Variants in CR1L observed in about 807,000 individuals in gnomAD.
The protein encoded by CR1L is complement component receptor 1-like protein.
Under a neutral mutation model 62.3 loss-of-function variants are expected in CR1L, and 59 were observed. The ratio of observed to expected loss-of-function variants is 0.95; its 90% confidence interval spans 0.77 to 1.18. The LOEUF is 1.18. CR1L is among the 50% of genes most tolerant of loss of function. CR1L has a pLI of 0.00. For synonymous variants in CR1L, 279 were observed against 248.7 expected (o/e 1.12, Z -1.15); for missense variants, 700 against 702.8 (o/e 1.00, Z 0.04).
At chr1:207,712,176 A>T (rs1664370336) in intron 10 of CR1L, among the ~76,000 whole-genome samples, 1 of 152,198 alleles carries the variant, frequency 6.6e-6, no homozygotes, top group Non-Finnish European at 1.5e-5. Context: ...AAACAGTATG[A>T]CTGTACTTTA....
rs531528224 is a variant in CR1L at position 207,687,612 on chromosome 1, G to C, written c.463+3655G>C. On this transcript the variant is annotated intron_variant, in intron 4 of 11. Coordinates refer to ENST00000508064, the MANE Select transcript of CR1L (RefSeq NM_175710.2). ...GGAATCAAAAAATAGGTACTCTTCT[G>C]TGTCCGGCTTCTGCTCAGTGTTATA... Among the ~76,000 whole-genome samples the C allele has an allele frequency of 1.2e-4, 18 of 152,222 alleles. 1 individual carries two copies. The South Asian group carries it at 3.5e-3, about 30-fold the overall frequency.
At position 207,697,562 on chromosome 1, in the gene CR1L, T is replaced by C. The variant is rs1296085010; in HGVS notation, c.922T>C (p.Phe308Leu). 5 of 1,613,638 alleles carry C rather than the reference T, an allele frequency of 3.1e-6. No individual in the cohort carries two copies. The highest frequency in any genetic ancestry group is 1.7e-5 in the Admixed American group (1 of 59,974). ...GCGTACCCAAAGGGACAAGGACAAC[T>C]TTTCACCCGGGCAGGAAGTGTTCTA... is the stretch of plus-strand genomic sequence containing the variant. ...AERTQRDKDN[F>L]SPGQEVFYSC... is the part of the protein sequence containing the mutation. Residue 308 changes from phenylalanine to leucine, a missense_variant, in exon 6 of 12, where the codon TTT becomes CTT. By Grantham distance (22) the Phe-to-Leu change is conservative (BLOSUM62 0). Transcript: ENST00000508064.
rs138919610 is a variant in CR1L at position 207,649,153 on chromosome 1, T to C, written c.97+3823T>C. 3.1e-3 allele frequency among the ~76,000 whole-genome samples: 469 copies of C among 152,186 alleles called. 2 individuals are homozygous for C. Among genetic ancestry groups the C allele is most frequent in the African/African-American group, 0.011 (456 of 41,514 alleles). On this transcript the variant is annotated intron_variant, in intron 1 of 11. Coordinates refer to ENST00000508064, the MANE Select transcript of CR1L (RefSeq NM_175710.2). ...CCCAGGGGGAGGCAGAAAATGCTTC[T>C]TGGAGGAGATGATGGGTGGATTAAA...
chr1:207,722,551 T>A (rs970250389), intron 11 of CR1L, among the ~76,000 whole-genome samples: 5 of 151,710 alleles, frequency 3.3e-5, no homozygotes, highest in Non-Finnish European at 7.4e-5. Context: ...CATTGATCTA[T>A]ATCTCTGTTT....
chr1:207,672,254 A>T (rs945274601), intron 1 of CR1L, among the ~76,000 whole-genome samples: 4 of 150,684 alleles, frequency 2.7e-5, no homozygotes, highest in African/African-American at 1.0e-4. Flanking sequence ...AACACAGCAG[A>T]CTTCAGACGA....
intron 1 of CR1L, among the ~76,000 whole-genome samples, chr1:207,655,776 T>G (rs1663299017): frequency 6.6e-6 from 1 of 152,084 alleles, no homozygotes; most frequent in African/African-American, 2.4e-5. Context: ...CAAATTAACA[T>G]ATATAACATT....
intron 1 of CR1L, among the ~76,000 whole-genome samples, chr1:207,647,104 A>C (rs1663139847): frequency 6.6e-6 from 1 of 152,232 alleles, no homozygotes; most frequent in Non-Finnish European, 1.5e-5. Flanking sequence ...ACAGTAGGCA[A>C]TCAACAGATG....
intron 3 of CR1L, among the ~76,000 whole-genome samples, chr1:207,678,567 G>A (rs932686234): frequency 1.3e-5 from 2 of 152,216 alleles, no homozygotes; most frequent in Non-Finnish European, 2.9e-5. Flanking sequence ...TGGGGGAAGA[G>A]TATAGTCAAA....
intron 5 of CR1L, 86 bp from the exon 6 acceptor site, chr1:207,697,417 T>C (rs1466753020): frequency 3.7e-6 from 6 of 1,609,902 alleles, no homozygotes; most frequent in Non-Finnish European, 4.2e-6. Flanking sequence ...CATATAGATT[T>C]GTAATTATTA....
chr1:207,666,220 C>G (rs1359169539), intron 1 of CR1L, among the ~76,000 whole-genome samples: 1 of 152,194 alleles, frequency 6.6e-6, no homozygotes, highest in Non-Finnish European at 1.5e-5. Flanking sequence ...AACTGTACGT[C>G]CCAGATTCTT....
intron 11 of CR1L, among the ~76,000 whole-genome samples, chr1:207,718,338 A>G (rs1654053948): frequency 6.6e-6 from 1 of 152,222 alleles, no homozygotes; most frequent in Non-Finnish European, 1.5e-5. Flanking sequence ...TGACAACCGT[A>G]GATGCATTTG....
chr1:207,690,831 C>A (rs1366472062), intron 4 of CR1L, among the ~76,000 whole-genome samples: 3 of 152,206 alleles, frequency 2.0e-5, no homozygotes, highest in African/African-American at 7.2e-5. Flanking sequence ...CGTTTTCCGC[C>A]TCCATCTTCA....
rs573983528 is a variant in CR1L, at chr1:207,662,888, C to A, written c.98-14501C>A. ...ACAGTCAGGACCCTCAGCTGCAGGTCTGTTGGAGTTTGCTGGAGGTCCACT... is the reference window on the plus strand; with the variant it reads ...ACAGTCAGGACCCTCAGCTGCAGGTATGTTGGAGTTTGCTGGAGGTCCACT... On this transcript the variant is annotated intron_variant, in intron 1 of 11. Coordinates refer to ENST00000508064, the MANE Select transcript of CR1L (RefSeq NM_175710.2). Among the ~76,000 whole-genome samples the A allele has an allele frequency of 2.6e-5, 4 of 152,272 alleles. No individual in the cohort carries two copies. The East Asian group carries it at 7.7e-4, about 29-fold the overall frequency.
intron 9 of CR1L, among the ~76,000 whole-genome samples, chr1:207,703,779 AC>A (rs898956197): frequency 1.8e-4 from 28 of 152,268 alleles, no homozygotes; most frequent in African/African-American, 5.8e-4. Flanking sequence ...ACATAGTGAA[AC>A]CCCGTCTCTA....
chr1:207,645,924 G>A (rs1317203567), intron 1 of CR1L, among the ~76,000 whole-genome samples: 1 of 152,224 alleles, frequency 6.6e-6, no homozygotes, highest in Non-Finnish European at 1.5e-5. Flanking sequence ...TTCACTGTGG[G>A]CAAGACAGCT....
At chr1:207,701,948 T>A (rs2102473141) in intron 9 of CR1L, among the ~76,000 whole-genome samples, 1 of 152,304 alleles carries the variant, frequency 6.6e-6, no homozygotes, top group South Asian at 2.1e-4. Flanking sequence ...ATGTAGCAGC[T>A]GTGTGAGAGA....
chr1:207,683,955 A>T lies in CR1L; in HGVS notation c.461A>T (p.Asp154Val), dbSNP rs1226641088. Residue 154 changes from aspartate (D) to valine (V), a missense_variant and splice_region_variant, in exon 4 of 12, where the codon GAC (aspartate) becomes GTC (valine). Asp to Val is a radical substitution (Grantham distance 152). Transcript: ENST00000508064. ...TGGGATAATAAAACACCTGTTTGTGACAGTGAGTTGAAATATGCATTCCTA... is the reference window on the plus strand; with the variant it reads ...TGGGATAATAAAACACCTGTTTGTGTCAGTGAGTTGAAATATGCATTCCTA... ...VIWDNKTPVCDRIICGLPPTI... is the reference protein window; with the variant it reads ...VIWDNKTPVCVRIICGLPPTI... 6.2e-7 allele frequency: 1 copy of T among 1,612,056 alleles called. No homozygotes were observed. Among genetic ancestry groups the T allele is most frequent in the African/African-American group, 1.3e-5 (1 of 74,910 alleles).
Position 207,694,787 on chromosome 1 carries a change from T to G in CR1L, c.862+36T>G, listed in dbSNP as rs201435561. 3.0e-3 allele frequency: 4,882 copies of G among 1,611,682 alleles called. 172 individuals are homozygous for G. The South Asian group carries it at 0.049, about 16-fold the overall frequency. ...CTGAGGCCTAGAAGGGCCCTGCCAG[T>G]GACATGCATTGCTGTTGGATCAGGA... On this transcript the variant is annotated intron_variant, in intron 5 of 11. Coordinates refer to ENST00000508064, the MANE Select transcript of CR1L (RefSeq NM_175710.2).
chr1:207,708,640 A>G (rs1664307401), intron 10 of CR1L, among the ~76,000 whole-genome samples: 1 of 152,252 alleles, frequency 6.6e-6, no homozygotes. Context: ...CAGATATTCA[A>G]GCCATGCAGC....
Sources: allele counts gnomAD v4.1 joint callset (sites outside exome capture counted in the v4.1 genomes callset), GRCh38; gene constraint gnomAD v4.1.1; transcripts MANE v1.5; gene names NCBI Gene and HGNC (gene_info 2026-07-23, HGNC 2026-07-21).